The following STPG3 variants were observed in gnomAD, a reference collection of about 807,000 sequenced individuals.
STPG3 encodes sperm-tail PG-rich repeat containing 3.
In STPG3, 39 loss-of-function variants were observed where a neutral mutation model predicts 32.5. That is an observed-to-expected ratio of 1.20 (90% CI 0.93 to 1.57). The LOEUF (loss-of-function observed/expected upper bound fraction) is 1.57, where lower values mean the gene tolerates loss of function less well. Ranked by LOEUF, STPG3 falls within the 40% of genes most tolerant of loss-of-function variation. The pLI, the probability that STPG3 is intolerant of heterozygous loss-of-function variation, is 0.00. For synonymous variants in STPG3, 209 were observed against 172.4 expected (o/e 1.21, Z -1.66); for missense variants, 507 against 407.6 (o/e 1.24, Z -2.10).
chr9:137,252,129 G>A lies in STPG3; in HGVS notation c.397G>A (p.Gly133Ser). 1 of 1,609,038 alleles carries A rather than the reference G, an allele frequency of 6.2e-7. No homozygotes were observed. The highest frequency in any genetic ancestry group is 8.5e-7 in the Non-Finnish European group (1 of 1,178,492). Residue 133 changes from glycine to serine, a missense_variant, in exon 3 of 6, where the codon GGC (glycine) becomes AGC (serine). Gly to Ser is a moderately conservative substitution (Grantham distance 56). Transcript: ENST00000412566. ...PHYSIGCKHQ[G>S]REGGGRRAWQ... ...CTACAGCATCGGCTGCAAGCACCAG[G>A]GCCGAGGTGTGTGTCCCCTCCCTGA...
In STPG3 at chr9:137,252,797, C is replaced by T; in HGVS notation, c.628C>T (p.Leu210Phe). The stretch of plus-strand genomic sequence containing the variant: ...GCTGCCTGGGGCTAGGGGGCTGGGC[C>T]TCAGGGTGCAGCCCCAGTCCCTGCT... ...LGLPGARGLGLRVQPQSLLQA... is the reference protein window; with the variant it reads ...LGLPGARGLGFRVQPQSLLQA... Residue 210 changes from leucine to phenylalanine, a missense_variant, in exon 5 of 6, where the codon CTC becomes TTC. Transcript: ENST00000412566. 1.9e-6 allele frequency: 3 copies of T among 1,563,518 alleles called. No homozygotes were observed. Among genetic ancestry groups the T allele is most frequent in the Non-Finnish European group, 8.7e-7 (1 of 1,154,580 alleles).
At chr9:137,252,252 G>A (rs899178700) in intron 3 of STPG3, 117 bp downstream of exon 3, 11 of 1,426,608 alleles carry the variant, frequency 7.7e-6, no homozygotes, top group African/African-American at 2.8e-5. Flanking sequence ...CCTTCCCTGC[G>A]TTCACCTCTA....
rs777261198 is a variant in STPG3, at chr9:137,253,306, G to A, written c.*61G>A. On this transcript the variant is annotated 3_prime_UTR_variant, in exon 6 of 6. Coordinates refer to ENST00000412566, the MANE Select transcript of STPG3 (RefSeq NM_001004353.4). ...GAGTGGAACCATGGCCTCCCCCGGG[G>A]CTTTCCCAGGCCTCCCCTGGGACTT... 16 of 1,559,280 alleles carry A rather than the reference G, an allele frequency of 1.0e-5. No homozygotes were observed. Among genetic ancestry groups the A allele is most frequent in the African/African-American group, 1.4e-5 (1 of 73,422 alleles).
intron 2 of STPG3, 45 bp from the exon 3 acceptor site, chr9:137,251,956 C>A (rs1322949646): frequency 6.3e-7 from 1 of 1,597,206 alleles, no homozygotes; most frequent in East Asian, 2.3e-5. Flanking sequence ...GTGGGAGGGG[C>A]CCGCTGAAAG....
chr9:137,252,994 G>A (rs1409312020), intron 5 of STPG3, 29 bp downstream of exon 5: 1 of 1,573,980 alleles, frequency 6.4e-7, no homozygotes, highest in Non-Finnish European at 8.6e-7. Flanking sequence ...AAGAGGGCTA[G>A]GGATGGGGCA....
chr9:137,252,356 G>A lies in STPG3; in HGVS notation c.404-81G>A, dbSNP rs933438046. The A allele has an allele frequency of 2.1e-6, 3 of 1,461,884 alleles. No homozygotes were observed. In the African/African-American group the frequency reaches 4.2e-5, roughly 20 times the overall value. 90.6% of individuals were successfully genotyped at this position (1,461,884 alleles called of 1,614,324 possible). A position where few individuals can be genotyped will look rare whatever the true frequency, so the allele number is the denominator to read the frequency against. ...GACAAGGGTTCAGGGGCCGAGGGTG[G>A]GAACCGGGAGACAGGTTCGAGTGGG... On this transcript the variant is annotated intron_variant, in intron 3 of 5. Coordinates refer to ENST00000412566, the MANE Select transcript of STPG3 (RefSeq NM_001004353.4).
chr9:137,252,095 A>C lies in STPG3; in HGVS notation c.363A>C (p.Pro121=). The stretch of plus-strand genomic sequence containing the variant: ...GCCCGTCCGTACGAGAGTCCTCCCC[A>C]CACCCCCACTACAGCATCGGCTGCA... ...VPSPSVRESS[P]HPHYSIGCKH... Residue 121 remains proline (P), a synonymous_variant, in exon 3 of 6, where the codon CCA becomes CCC. Transcript: ENST00000412566. 6.2e-7 allele frequency: 1 copy of C among 1,612,446 alleles called. No individual in the cohort carries two copies. Among genetic ancestry groups the C allele is most frequent in the Non-Finnish European group, 8.5e-7 (1 of 1,179,732 alleles).
rs771948721 is a variant in STPG3 at position 137,251,389 on chromosome 9, C to A, written c.103C>A (p.Pro35Thr). The A allele has an allele frequency of 8.1e-6, 13 of 1,610,448 alleles. No individual in the cohort carries two copies. The highest frequency in any genetic ancestry group is 1.1e-5 in the Non-Finnish European group (13 of 1,177,422). ...HGHLRQTQPE[P>T]TQPKASVLLL... ...TCACCTGAGGCAGACACAACCAGAG[C>A]CCACCCAGTAACTGGCGGAGAGGGG... The change falls in exon 1 of 6, where the codon CCC becomes ACC. Residue 35 changes from proline (P) to threonine (T), a missense_variant. Transcript: ENST00000412566.
rs369614998 is a variant in STPG3, at chr9:137,252,442, G to A, written c.409G>A (p.Gly137Ser). Residue 137 changes from glycine to serine, a missense_variant, in exon 4 of 6, where the codon GGT becomes AGT. Gly to Ser is a moderately conservative substitution (Grantham distance 56, BLOSUM62 0). Coordinates refer to ENST00000412566, the MANE Select transcript of STPG3 (RefSeq NM_001004353.4). The part of the protein sequence containing the change: ...IGCKHQGREG[G>S]GRRAWQTLWF... Reference sequence around the variant, plus strand: ...TCTCCATCCTCCAACTACAGAGGGCGGTGGCCGCAGGGCATGGCAGACTTT... The same window carrying A: ...TCTCCATCCTCCAACTACAGAGGGCAGTGGCCGCAGGGCATGGCAGACTTT... The A allele has an allele frequency of 3.6e-5, 58 of 1,610,166 alleles. No homozygotes were observed. Among genetic ancestry groups the A allele is most frequent in the Admixed American group, 2.3e-4 (14 of 59,660 alleles).
chr9:137,252,183 C>A, intron 3 of STPG3, 48 bp downstream of exon 3: 1 of 1,573,916 alleles, frequency 6.4e-7, no homozygotes, highest in Non-Finnish European at 8.6e-7. Flanking sequence ...GTCCCTCACC[C>A]TGGGAATGGG....
In STPG3 at chr9:137,251,848, C is replaced by G. The variant is rs777874607; in HGVS notation, c.221C>G (p.Thr74Ser). ...IPVGLRLQTG[T>S]PQESLPTYTQ... ...GTTGGCCTCAGGTTACAGACGGGCA[C>G]CCCCCAGGAGTCCCTGCCCACCTAC... The change falls in exon 2 of 6, where the codon ACC (threonine) becomes AGC (serine). Residue 74 changes from threonine to serine, a missense_variant. Physicochemically the swap from Thr to Ser is moderately conservative, Grantham distance 58 (BLOSUM62 1). Coordinates refer to ENST00000412566, the MANE Select transcript of STPG3 (RefSeq NM_001004353.4). 1 of 1,607,302 alleles carries G rather than the reference C, an allele frequency of 6.2e-7. No homozygotes were observed. Among genetic ancestry groups the G allele is most frequent in the South Asian group, 1.1e-5 (1 of 89,862 alleles).
In STPG3 at chr9:137,251,764, G is replaced by T. The variant is rs948663900; in HGVS notation, c.137G>T (p.Gly46Val). 2 of 1,579,812 alleles carry T rather than the reference G, an allele frequency of 1.3e-6. No homozygotes were observed. Among genetic ancestry groups the T allele is most frequent in the Non-Finnish European group, 1.7e-6 (2 of 1,163,922 alleles). Reference protein sequence around the residue: ...TQPKASVLLLGPEPGMAWDET... With the variant: ...TQPKASVLLLVPEPGMAWDET... ...CCCAAGGCATCTGTGCTGTTGTTGG[G>T]CCCGGAGCCGGGGATGGCCTGGGAT... The change falls in exon 2 of 6, where the codon GGC (glycine) becomes GTC (valine). Residue 46 changes from glycine to valine, a missense_variant. Gly to Val is a moderately radical substitution (Grantham distance 109, BLOSUM62 -3). Transcript: ENST00000412566.
At chr9:137,252,337 G>C in intron 3 of STPG3, 100 bp from the exon 4 acceptor site, 2 of 1,385,170 alleles carry the variant, frequency 1.4e-6, no homozygotes, top group South Asian at 1.3e-5. Flanking sequence ...TGAAGACAAG[G>C]GTTCAGGGGC....
At chr9:137,253,028 G>T in intron 5 of STPG3, 63 bp downstream of exon 5, 1 of 1,530,552 alleles carries the variant, frequency 6.5e-7, no homozygotes. Context: ...TGAGGACAAG[G>T]GTTCAGGGGC....
Position 137,252,867 on chromosome 9 carries a change from A to G in STPG3, c.698A>G (p.Asn233Ser). 53 of 1,586,634 alleles carry G rather than the reference A, an allele frequency of 3.3e-5. No individual in the cohort carries two copies. The highest frequency in any genetic ancestry group is 4.5e-5 in the Non-Finnish European group (53 of 1,167,218). Residue 233 changes from asparagine to serine, a missense_variant, in exon 5 of 6, where the codon AAC becomes AGC. Transcript: ENST00000412566. ...CCTGGCAAGAGATGCCCTGGCCCCA[A>G]CACCTACAATATCCTTCCTGGGAGC... ...QAPGKRCPGPNTYNILPGSRL... is the reference protein window; with the variant it reads ...QAPGKRCPGPSTYNILPGSRL...
chr9:137,252,251 C>A, intron 3 of STPG3, 116 bp downstream of exon 3: 1 of 1,425,230 alleles, frequency 7.0e-7, no homozygotes, highest in Non-Finnish European at 9.5e-7. Flanking sequence ...CCCTTCCCTG[C>A]GTTCACCTCT....
chr9:137,252,072 C>A lies in STPG3; in HGVS notation c.340C>A (p.Pro114Thr). 6.2e-7 allele frequency: 1 copy of A among 1,613,022 alleles called. No homozygotes were observed. The highest frequency in any genetic ancestry group is 8.5e-7 in the Non-Finnish European group (1 of 1,179,780). The part of the protein sequence containing the change: ...PSPTRYQVPS[P>T]SVRESSPHPH... ...CCCCACCAGGTACCAGGTGCCGAGCCCGTCCGTACGAGAGTCCTCCCCACA... is the reference window on the plus strand; with the variant it reads ...CCCCACCAGGTACCAGGTGCCGAGCACGTCCGTACGAGAGTCCTCCCCACA... The change falls in exon 3 of 6, where the codon CCG becomes ACG. Residue 114 changes from proline to threonine, a missense_variant. Pro to Thr is a conservative substitution (Grantham distance 38, BLOSUM62 -1). Transcript: ENST00000412566.
chr9:137,252,388 C>T (rs899167288), intron 3 of STPG3, 49 bp from the exon 4 acceptor site: 4 of 1,565,984 alleles, frequency 2.6e-6, no homozygotes, highest in Non-Finnish European at 3.5e-6. Context: ...TGGGGACTGT[C>T]ACCTGGGTGG....
chr9:137,252,185 G>A (rs777292581), intron 3 of STPG3, 50 bp downstream of exon 3: 4 of 1,570,716 alleles, frequency 2.5e-6, no homozygotes, highest in Non-Finnish European at 3.5e-6. Context: ...CCCTCACCCT[G>A]GGAATGGGGG....
Sources: gnomAD v4.1 joint callset for allele counts on GRCh38, gnomAD v4.1.1 for gene constraint, MANE v1.5 for transcripts, NCBI Gene and HGNC (gene_info 2026-07-23, HGNC 2026-07-21) for gene names.